Variants in ZNF676 observed in about 807,000 individuals in gnomAD.
ZNF676 encodes zinc finger protein 676.
Under a neutral mutation model 6.0 loss-of-function variants are expected in ZNF676, and 4 were observed. That is an observed-to-expected ratio of 0.67 (90% confidence interval 0.33 to 1.53). ZNF676 has a LOEUF of 1.53. Among genes scored for constraint, ZNF676 ranks in the 40% most tolerant of loss-of-function variants. ZNF676 has a pLI of 0.06. For synonymous variants in ZNF676, 198 were observed against 223.1 expected, an observed-to-expected ratio of 0.89 and a Z score of 1.00; for missense variants, 644 against 679.7, an observed-to-expected ratio of 0.95 and a Z score of 0.58.
chr19:22,184,558 G>A (rs2023806006), intron 2 of ZNF676, among the ~76,000 whole-genome samples: 1 of 152,132 alleles, frequency 6.6e-6, no homozygotes, highest in Admixed American at 6.5e-5. Flanking sequence ...AAGCCAGGGA[G>A]TCAAGTGGCC....
chr19:22,219,847 G>A (rs1467189622), upstream of ZNF676, among the ~76,000 whole-genome samples: 1 of 151,840 alleles, frequency 6.6e-6, no homozygotes, highest in Non-Finnish European at 1.5e-5. Flanking sequence ...AACAGACGAG[G>A]TTTCACCATG....
chr19:22,253,402 G>GTATATATA, the ZNF676 span, among the ~76,000 whole-genome samples: 83 of 106,326 alleles, frequency 7.8e-4, 1 homozygote, highest in Non-Finnish European at 1.2e-3. Flanking sequence ...ATATGATAAT[G>GTATATATA]TGTATATATA....
chr19:22,214,867 G>C (rs998575937), intron 1 of ZNF676, among the ~76,000 whole-genome samples: 2 of 151,058 alleles, frequency 1.3e-5, no homozygotes, highest in African/African-American at 2.4e-5. Flanking sequence ...GTGAAACTCC[G>C]TCTCTACTAA....
chr19:22,234,973 A>C, the ZNF676 span, among the ~76,000 whole-genome samples: 1 of 51,020 alleles, frequency 2.0e-5, no homozygotes, highest in Non-Finnish European at 3.8e-5. Context: ...AGAAAGAAAG[A>C]AAGAAAGAAA....
the ZNF676 span, among the ~76,000 whole-genome samples, chr19:22,251,644 C>T: frequency 3.3e-5 from 5 of 151,918 alleles, no homozygotes; most frequent in East Asian, 7.7e-4. Flanking sequence ...AAAAATTAGC[C>T]GGGCGTGGTG....
the ZNF676 span, among the ~76,000 whole-genome samples, chr19:22,234,715 C>A: frequency 2.0e-5 from 3 of 152,086 alleles, no homozygotes; most frequent in African/African-American, 7.2e-5. Context: ...AAACAGATCA[C>A]CTGAGGTCAG....
chr19:22,202,154 G>A (rs768269626), intron 1 of ZNF676, among the ~76,000 whole-genome samples: 4 of 152,102 alleles, frequency 2.6e-5, no homozygotes, highest in Non-Finnish European at 5.9e-5. Flanking sequence ...GGGCATTATA[G>A]CATGAGGAGG....
At chr19:22,212,317 ATAT>A (rs2024137182) in intron 1 of ZNF676, among the ~76,000 whole-genome samples, 1 of 152,104 alleles carries the variant, frequency 6.6e-6, no homozygotes. Context: ...ATATAATTAG[ATAT>A]TATTTTTTGA....
intron 1 of ZNF676, among the ~76,000 whole-genome samples, chr19:22,212,188 A>AAG (rs1210842153): frequency 1.5e-5 from 2 of 135,632 alleles, no homozygotes; most frequent in African/African-American, 5.6e-5. Context: ...TGACAGAGCG[A>AAG]GATTCTGTCT....
chr19:22,237,234 C>A, the ZNF676 span, among the ~76,000 whole-genome samples: 1 of 152,096 alleles, frequency 6.6e-6, no homozygotes, highest in South Asian at 2.1e-4. Context: ...CACAGGGGGG[C>A]CATCTTTTAA....
chr19:22,208,616 C>T (rs1174486783), intron 1 of ZNF676, among the ~76,000 whole-genome samples: 1 of 152,164 alleles, frequency 6.6e-6, no homozygotes, highest in Admixed American at 6.5e-5. Flanking sequence ...GACATGGAAT[C>T]AACCTAAATG....
the ZNF676 span, among the ~76,000 whole-genome samples, chr19:22,230,825 A>G: frequency 6.6e-6 from 1 of 151,390 alleles, no homozygotes; most frequent in Non-Finnish European, 1.5e-5. Context: ...CACCCGGCTA[A>G]TTTTTTGTAT....
chr19:22,185,151 C>A (rs561007712), intron 2 of ZNF676, among the ~76,000 whole-genome samples: 121 of 152,268 alleles, frequency 7.9e-4, no homozygotes, highest in African/African-American at 2.2e-3. Flanking sequence ...GCCTCTGGGA[C>A]AAACCTTCCA....
At chr19:22,232,657 A>G in the ZNF676 span, among the ~76,000 whole-genome samples, 4 of 152,056 alleles carry the variant, frequency 2.6e-5, no homozygotes, top group African/African-American at 9.7e-5. Flanking sequence ...TTGATAGACC[A>G]CCTGTTAGGC....
At chr19:22,202,156 A>G (rs180737280) in intron 1 of ZNF676, among the ~76,000 whole-genome samples, 47 of 152,256 alleles carry the variant, frequency 3.1e-4, no homozygotes, top group Admixed American at 2.6e-3. Context: ...GCATTATAGC[A>G]TGAGGAGGGA....
intron 1 of ZNF676, among the ~76,000 whole-genome samples, chr19:22,194,651 G>T (rs922823743): frequency 6.6e-6 from 1 of 152,086 alleles, no homozygotes; most frequent in Non-Finnish European, 1.5e-5. Flanking sequence ...GTAACAAAGG[G>T]AATCACTGGG....
upstream of ZNF676, among the ~76,000 whole-genome samples, chr19:22,201,731 C>CAAAA (rs35526921): frequency 5.1e-4 from 39 of 76,230 alleles, 1 homozygote; most frequent in African/African-American, 1.4e-3. Flanking sequence ...TTTGTAAAGG[C>CAAAA]AAAAAAAAAA....
chr19:22,205,898 C>G (rs2024071399), intron 1 of ZNF676, among the ~76,000 whole-genome samples: 1 of 151,626 alleles, frequency 6.6e-6, no homozygotes, highest in Admixed American at 6.6e-5. Flanking sequence ...AGTAAATAAA[C>G]TATGAGCTAG....
At chr19:22,234,858 G>A in the ZNF676 span, among the ~76,000 whole-genome samples, 394 of 151,902 alleles carry the variant, frequency 2.6e-3, no homozygotes, top group African/African-American at 8.6e-3. Context: ...GCTTGAACCT[G>A]GGAGGTGGAG....
Sources: gnomAD v4.1 joint callset for allele counts (sites outside exome capture counted in the v4.1 genomes callset) on GRCh38, gnomAD v4.1.1 for gene constraint, MANE v1.5 for transcripts, NCBI Gene and HGNC (gene_info 2026-07-23, HGNC 2026-07-21) for gene names.